The following CCT8 variants were observed in gnomAD, a reference collection of about 807,000 sequenced individuals.
The protein encoded by CCT8 is T-complex protein 1 subunit theta.
CCT8 carries 10 observed loss-of-function variants against 65.7 expected under a neutral mutation model. The observed-to-expected ratio is 0.15, with a 90% CI of 0.09 to 0.26. The LOEUF is 0.26. Ranked by LOEUF, CCT8 falls within the 10% of genes least tolerant of loss-of-function variation. The pLI is 1.00. For synonymous variants in CCT8, 199 were observed against 221.8 expected (o/e 0.90, Z 0.92); for missense variants, 568 against 669.1 (o/e 0.85, Z 1.67).
chr21:29,056,721 ATTG>A (rs1197018176), intron 14 of CCT8, among the ~76,000 whole-genome samples, 169 bp from the exon 15 acceptor site: 1 of 152,258 alleles, frequency 6.6e-6, no homozygotes, highest in Non-Finnish European at 1.5e-5. Context: ...TAGAAATTCA[ATTG>A]TAAACTTTCA....
chr21:29,072,025 T>C (rs1444813866), intron 1 of CCT8: 1 of 691,040 alleles, frequency 1.4e-6, no homozygotes, highest in Non-Finnish European at 2.6e-6. Context: ...AAAAAACAGG[T>C]CAAAATCATT....
rs779973549 is a variant in CCT8, at chr21:29,061,541, T to C, written c.1239A>G (p.Gly413=). ...GTTTGGCTAATTCAATTTCTGTTGCTCCACCTCCGGGTACAAGACGTTTAT... is the reference window on the plus strand; with the variant it reads ...GTTTGGCTAATTCAATTTCTGTTGCCCCACCTCCGGGTACAAGACGTTTAT... ...TRDKRLVPGG[G]ATEIELAKQI... Residue 413 remains glycine, a synonymous_variant, in exon 12 of 15, where the codon GGA becomes GGG. Coordinates refer to ENST00000286788, the MANE Select transcript of CCT8 (RefSeq NM_006585.4). 1.2e-6 allele frequency: 2 copies of C among 1,613,938 alleles called. No homozygotes were observed. Among genetic ancestry groups the C allele is most frequent in the East Asian group, 2.2e-5 (1 of 44,882 alleles).
At chr21:29,066,396 C>A (rs1004377324) in intron 6 of CCT8, among the ~76,000 whole-genome samples, 2 of 151,962 alleles carry the variant, frequency 1.3e-5, no homozygotes, top group African/African-American at 4.8e-5. Context: ...CAAAATTAGC[C>A]GGGTGTGGTG....
chr21:29,063,050 T>A (rs1210381485), intron 8 of CCT8, among the ~76,000 whole-genome samples: 6 of 152,202 alleles, frequency 3.9e-5, no homozygotes, highest in Non-Finnish European at 1.5e-5. Context: ...TCTTCCTGAC[T>A]CCATACTCTG....
intron 1 of CCT8, chr21:29,072,314 C>G: frequency 5.2e-6 from 1 of 193,680 alleles, no homozygotes; most frequent in East Asian, 1.3e-4. Context: ...ATAAACTCTA[C>G]GACAAATGGG....
intron 1 of CCT8, among the ~76,000 whole-genome samples, chr21:29,072,520 A>G (rs1485891462): frequency 3.3e-5 from 5 of 152,332 alleles, no homozygotes; most frequent in Middle Eastern, 3.4e-3. Flanking sequence ...ATCAGCCCAT[A>G]TCATTTTCAA....
chr21:29,071,461 TCTCAGCTCACTGCAAC>T (rs1405879116), intron 1 of CCT8, among the ~76,000 whole-genome samples: 1 of 147,656 alleles, frequency 6.8e-6, no homozygotes, highest in Non-Finnish European at 1.5e-5. Flanking sequence ...CGTGGCACGA[TCTCAGCTCACTGCAAC>T]CTGGGCCTCC....
At chr21:29,065,706 A>G (rs1273730770) in intron 6 of CCT8, among the ~76,000 whole-genome samples, 1 of 152,252 alleles carries the variant, frequency 6.6e-6, no homozygotes, top group African/African-American at 2.4e-5. Context: ...CTATTATTGA[A>G]GAGGAATAGG....
chr21:29,060,671 C>A lies in CCT8; in HGVS notation c.1450-11G>T, dbSNP rs968090620. 2 of 1,610,654 alleles carry A rather than the reference C, an allele frequency of 1.2e-6. No individual in the cohort carries two copies. Among genetic ancestry groups the A allele is most frequent in the Admixed American group, 1.7e-5 (1 of 59,022 alleles). On this transcript the variant is annotated splice_polypyrimidine_tract_variant and intron_variant, in intron 13 of 14. Transcript: ENST00000286788. ...AGCAGGGACTTCAGCCTGTCAAACA[C>A]AATTTTCATCCTTTCATTTAAAATC... is the stretch of plus-strand genomic sequence containing the variant.
rs2085559751 is a variant in CCT8 at position 29,061,253 on chromosome 21, C to G, written c.1449G>C (p.Glu483Asp). Residue 483 changes from glutamate (E) to aspartate (D), a missense_variant and splice_region_variant, in exon 13 of 15, where the codon GAG (glutamate) becomes GAC (aspartate). Coordinates refer to ENST00000286788, the MANE Select transcript of CCT8 (RefSeq NM_006585.4). ...TTAAGTTCAGTGTTTTTTCAAATAC[C>G]TCAATATCTAATCCAACGTTTTTAT... Reference protein sequence around the residue: ...EGNKNVGLDIEAEVPAVKDML... With the variant: ...EGNKNVGLDIDAEVPAVKDML... The G allele has an allele frequency of 6.2e-7, 1 of 1,608,948 alleles. No homozygotes were observed. The highest frequency in any genetic ancestry group is 1.7e-5 in the Admixed American group (1 of 59,414).
At chr21:29,069,624 G>A in intron 2 of CCT8, 122 bp from the exon 3 acceptor site, 1 of 554,326 alleles carries the variant, frequency 1.8e-6, no homozygotes, top group Admixed American at 3.9e-5. Flanking sequence ...AGCTTTGCAA[G>A]AAAACACATA....
Position 29,073,591 on chromosome 21 carries a change from G to A in CCT8, c.-1C>T, listed in dbSNP as rs375686673. 123 of 1,613,950 alleles carry A rather than the reference G, an allele frequency of 7.6e-5. No individual in the cohort carries two copies. Among genetic ancestry groups the A allele is most frequent in the Non-Finnish European group, 1.0e-4 (119 of 1,180,010 alleles). The stretch of plus-strand genomic sequence containing the variant: ...GAGCCTTGGGAACGTGAAGCGCCAT[G>A]GCCAGCCTGCAGGAAGCAGTTCACG... On this transcript the variant is annotated 5_prime_UTR_variant, in exon 1 of 15. Coordinates refer to ENST00000286788, the MANE Select transcript of CCT8 (RefSeq NM_006585.4).
At chr21:29,057,430 G>C (rs2085510205) in intron 14 of CCT8, among the ~76,000 whole-genome samples, 2 of 151,284 alleles carry the variant, frequency 1.3e-5, no homozygotes, top group African/African-American at 4.8e-5. Flanking sequence ...CTCCCAAAGT[G>C]TTGGGATTAT....
chr21:29,067,510 A>C (rs770674860), intron 4 of CCT8, 46 bp downstream of exon 4: 13 of 1,413,458 alleles, frequency 9.2e-6, no homozygotes, highest in Admixed American at 5.6e-5. Flanking sequence ...GCAGGTGTAT[A>C]TGTAAGCAAA....
At chr21:29,072,955 A>G (rs1220602078) in intron 1 of CCT8, among the ~76,000 whole-genome samples, 1 of 152,240 alleles carries the variant, frequency 6.6e-6, no homozygotes, top group Non-Finnish European at 1.5e-5. Flanking sequence ...TACATTTTAG[A>G]TTAAGCCAGC....
rs374118771 is a variant in CCT8, at chr21:29,073,521, C to T, written c.60+10G>A. On this transcript the variant is annotated intron_variant, in intron 1 of 14. Coordinates refer to ENST00000286788, the MANE Select transcript of CCT8 (RefSeq NM_006585.4). ...ACGCTCCCACCTCATTCCTTTCCTTCAGCCCTTACTTTCGCTCCCTCCTTG... is the reference window on the plus strand; with the variant it reads ...ACGCTCCCACCTCATTCCTTTCCTTTAGCCCTTACTTTCGCTCCCTCCTTG... 6.8e-6 allele frequency: 11 copies of T among 1,613,988 alleles called. No individual in the cohort carries two copies. The highest frequency in any genetic ancestry group is 3.3e-4 in the Middle Eastern group (2 of 6,080).
intron 14 of CCT8, among the ~76,000 whole-genome samples, chr21:29,057,702 CAT>C (rs1316042244): frequency 8.8e-4 from 70 of 79,804 alleles, no homozygotes; most frequent in Admixed American, 2.3e-3. Context: ...ATACATATAT[CAT>C]ATATAATATA....
chr21:29,068,745 G>GT (rs1437301837), intron 3 of CCT8, among the ~76,000 whole-genome samples: 1 of 152,202 alleles, frequency 6.6e-6, no homozygotes, highest in Admixed American at 6.5e-5. Flanking sequence ...GATTACAGGC[G>GT]TGAGCCACCG....
intron 2 of CCT8, 94 bp downstream of exon 2, chr21:29,070,153 G>T: frequency 1.5e-6 from 1 of 646,702 alleles, no homozygotes; most frequent in Non-Finnish European, 2.5e-6. Flanking sequence ...AACTTCCGAA[G>T]TCATACCATA....
Sources: allele counts gnomAD v4.1 joint callset (sites outside exome capture counted in the v4.1 genomes callset), GRCh38; gene constraint gnomAD v4.1.1; transcripts MANE v1.5; gene names NCBI Gene and HGNC (gene_info 2026-07-23, HGNC 2026-07-21).